The following ZNF346 variants were observed in gnomAD, a reference collection of about 807,000 sequenced individuals.
The protein encoded by ZNF346 is double-stranded RNA-binding zinc finger protein JAZ.
Under a neutral mutation model 33.7 loss-of-function variants are expected in ZNF346, and 23 were observed. That is an observed-to-expected ratio of 0.68 (90% CI 0.49 to 0.97). The LOEUF is 0.97. Ranked by LOEUF, ZNF346 falls within the 50% of genes least tolerant of loss-of-function variation. The pLI, the probability that ZNF346 is intolerant of heterozygous loss-of-function variation, is 0.00. For missense variants in ZNF346, 340 were observed against 371.1 expected (o/e 0.92, Z 0.69); for synonymous variants, 134 against 142.4 (o/e 0.94, Z 0.42).
chr5:177,048,102 A>G (rs942194921), intron 4 of ZNF346, among the ~76,000 whole-genome samples: 15 of 152,114 alleles, frequency 9.9e-5, no homozygotes, highest in Non-Finnish European at 1.9e-4. Context: ...TTGGTGTTAC[A>G]GATAACACTA....
At position 177,022,933 on chromosome 5, in the gene ZNF346, G is replaced by A. The variant is rs1005359545; in HGVS notation, c.175+20G>A. On this transcript the variant is annotated intron_variant, in intron 1 of 6. Transcript: ENST00000358149. ...AGGAAGGTGAGTCGGGGGCTTTGGA[G>A]GCAGAAAGCCCCTCGCCCGCTGCGC... 1 of 1,453,996 alleles carries A rather than the reference G, an allele frequency of 6.9e-7. No homozygotes were observed. The highest frequency in any genetic ancestry group is 9.1e-7 in the Non-Finnish European group (1 of 1,104,174). The allele number at this position is 1,453,996 out of a possible 1,614,324, so 90.1% of individuals were successfully genotyped here. A position where few individuals can be genotyped will look rare whatever the true frequency, so the allele number is the denominator to read the frequency against.
chr5:177,045,108 G>A (rs1049078015), intron 4 of ZNF346, among the ~76,000 whole-genome samples: 7 of 152,052 alleles, frequency 4.6e-5, no homozygotes, highest in Admixed American at 1.3e-4. Flanking sequence ...CCTTTATCTC[G>A]TCACGACTAG....
At chr5:177,038,444 G>A (rs10077473) in intron 1 of ZNF346, among the ~76,000 whole-genome samples, 14,529 of 149,966 alleles carry the variant, frequency 0.097, 1,475 homozygotes, top group African/African-American at 0.26. Flanking sequence ...CTCCTGCCCC[G>A]TCATTCTCTA....
chr5:177,039,742 T>G (rs2149624700), intron 1 of ZNF346, among the ~76,000 whole-genome samples: 1 of 152,272 alleles, frequency 6.6e-6, no homozygotes, highest in African/African-American at 2.4e-5. Context: ...CCTCCCAAAA[T>G]GCTGGGATTA....
chr5:177,061,098 C>A (rs1782470607), intron 5 of ZNF346, among the ~76,000 whole-genome samples: 1 of 92,008 alleles, frequency 1.1e-5, no homozygotes. Flanking sequence ...GACGACAGAG[C>A]AAGACTGTCT....
chr5:177,022,788 C>T lies in ZNF346; in HGVS notation c.50C>T (p.Ala17Val). 1 of 1,548,208 alleles carries T rather than the reference C, an allele frequency of 6.5e-7. No homozygotes were observed. Among genetic ancestry groups the T allele is most frequent in the East Asian group, 2.5e-5 (1 of 40,650 alleles). Residue 17 changes from alanine (A) to valine (V), a missense_variant, in exon 1 of 7, where the codon GCC becomes GTC. Transcript: ENST00000358149. Reference protein sequence around the residue: ...ATVQAADGGAAGPYSSSELLE... With the variant: ...ATVQAADGGAVGPYSSSELLE... ...GTGCAGGCCGCGGACGGCGGAGCGGCCGGGCCTTACAGCAGCTCGGAGTTG... is the reference window on the plus strand; with the variant it reads ...GTGCAGGCCGCGGACGGCGGAGCGGTCGGGCCTTACAGCAGCTCGGAGTTG...
intron 4 of ZNF346, among the ~76,000 whole-genome samples, chr5:177,049,486 G>A (rs559247547): frequency 5.3e-5 from 8 of 152,216 alleles, no homozygotes; most frequent in Admixed American, 1.3e-4. Flanking sequence ...AGGCAGCAGC[G>A]CAGCCTAGAG....
At chr5:177,073,691 G>A (rs920177825) in intron 8 of ZNF346, among the ~76,000 whole-genome samples, 6 of 152,174 alleles carry the variant, frequency 3.9e-5, no homozygotes, top group South Asian at 2.1e-4. Context: ...CTTAGTGAAA[G>A]GAACTAGAAG....
At chr5:177,062,880 A>C (rs1300303716) in intron 6 of ZNF346, among the ~76,000 whole-genome samples, 1 of 152,174 alleles carries the variant, frequency 6.6e-6, no homozygotes, top group Non-Finnish European at 1.5e-5. Context: ...GAATGAAGCA[A>C]GGTCATGATT....
chr5:177,072,069 A>T (rs1430033317), downstream of ZNF346, among the ~76,000 whole-genome samples: 1 of 152,152 alleles, frequency 6.6e-6, no homozygotes, highest in African/African-American at 2.4e-5. Context: ...CTGGGACTTT[A>T]CTGTTTGATT....
rs138061163 is a variant in ZNF346, at chr5:177,038,507, C to T, written c.176-2619C>T. On this transcript the variant is annotated intron_variant, in intron 1 of 6. Coordinates refer to ENST00000358149, the MANE Select transcript of ZNF346 (RefSeq NM_012279.4). ...TTTCTAATTCTCTGTCATTGTCTTG[C>T]TTATTTTTTACTTTATACCCCATCT... Among the ~76,000 whole-genome samples the T allele has an allele frequency of 3.0e-4, 45 of 151,590 alleles. 1 individual carries two copies. In the East Asian group the frequency reaches 5.9e-3, roughly 20 times the overall value.
rs944291488 is a variant in ZNF346, at chr5:177,066,595, C to T, written c.*1996C>T. Among the ~76,000 whole-genome samples, 9 of 151,804 alleles carry T rather than the reference C, an allele frequency of 5.9e-5. No individual in the cohort carries two copies. Among genetic ancestry groups the T allele is most frequent in the African/African-American group, 1.9e-4 (8 of 41,358 alleles). ...TGAGAAGGAGTGTTATGGCCAGGTG[C>T]GGCGTCATGCACCTATAGTCCCAGC... is the stretch of plus-strand genomic sequence containing the variant. On this transcript the variant is annotated 3_prime_UTR_variant, in exon 7 of 7. Coordinates refer to ENST00000358149, the MANE Select transcript of ZNF346 (RefSeq NM_012279.4).
At chr5:177,042,116 G>A (rs1198634537) in intron 3 of ZNF346, 2 of 386,342 alleles carry the variant, frequency 5.2e-6, no homozygotes, top group African/African-American at 4.0e-5. Flanking sequence ...CCAATTCAGA[G>A]CCTGGCACAT....
In ZNF346 at chr5:177,028,494, TTTTATATA is replaced by T. The variant is rs937905833; in HGVS notation, c.175+5583_175+5590del. 1.8e-3 allele frequency among the ~76,000 whole-genome samples: 84 copies of T among 45,992 alleles called. 6 individuals are homozygous for T. The highest frequency in any genetic ancestry group is 4.3e-3 in the African/African-American group (74 of 17,390). The allele number at this position is 45,992 out of a possible 152,430, so 30.2% of individuals were successfully genotyped here. On this transcript the variant is annotated intron_variant, in intron 1 of 6. Coordinates refer to ENST00000358149, the MANE Select transcript of ZNF346 (RefSeq NM_012279.4). ...ATTTCTCTCTTAAGCACTTGTGACG[TTTTATATA>T]TATATATATATATATATATTTCCCT... is the stretch of plus-strand genomic sequence containing the variant.
At chr5:177,057,540 C>A (rs1781863847) in intron 5 of ZNF346, among the ~76,000 whole-genome samples, 2 of 151,958 alleles carry the variant, frequency 1.3e-5, no homozygotes, top group Middle Eastern at 3.4e-3. Flanking sequence ...AGTTCAACAC[C>A]AGCCTGGTCA....
At chr5:177,059,248 T>C (rs1782161845) in intron 5 of ZNF346, among the ~76,000 whole-genome samples, 1 of 152,174 alleles carries the variant, frequency 6.6e-6, no homozygotes, top group Non-Finnish European at 1.5e-5. Flanking sequence ...CAGATGAGGA[T>C]ATTAAAACCA....
intron 5 of ZNF346, among the ~76,000 whole-genome samples, chr5:177,056,324 G>C (rs1183176526): frequency 6.6e-6 from 1 of 152,168 alleles, no homozygotes; most frequent in Non-Finnish European, 1.5e-5. Context: ...CTGTTGGTGG[G>C]ACTGTAAACT....
chr5:177,059,987 C>A (rs545862591), intron 5 of ZNF346, among the ~76,000 whole-genome samples: 1 of 152,256 alleles, frequency 6.6e-6, no homozygotes, highest in Admixed American at 6.5e-5. Context: ...TCAAGAAAGG[C>A]ACCCCAGAGG....
intron 5 of ZNF346, chr5:177,052,345 A>G (rs1781064646): frequency 6.6e-6 from 1 of 151,106 alleles, no homozygotes; most frequent in Non-Finnish European, 1.5e-5. Flanking sequence ...TTTCCGGCTA[A>G]TTTTTTTTGT....
Sources: allele counts gnomAD v4.1 joint callset (sites outside exome capture counted in the v4.1 genomes callset), GRCh38; gene constraint gnomAD v4.1.1; transcripts MANE v1.5; gene names NCBI Gene and HGNC (gene_info 2026-07-23, HGNC 2026-07-21).